The following TTN variants were observed in gnomAD, a reference collection of about 807,000 sequenced individuals.
TTN encodes the protein connectin.
Under a neutral mutation model 3,223.0 loss-of-function variants are expected in TTN, and 1,525 were observed. The observed-to-expected ratio is 0.47, with a 90% CI of 0.45 to 0.49. TTN has a LOEUF of 0.49. Among genes scored for constraint, TTN ranks in the 20% least tolerant of loss-of-function variants. The pLI, the probability that TTN is intolerant of heterozygous loss-of-function variation, is 0.00. For synonymous variants in TTN, 14,094 were observed against 15,161.0 expected (o/e 0.93, Z 5.17); for missense variants, 40,786 against 43,424.0 (o/e 0.94, Z 5.40).
Position 178,749,545 on chromosome 2 carries a change from A to G in TTN, c.11311+3579T>C. On this transcript the variant is annotated intron_variant, in intron 47 of 362. Coordinates refer to ENST00000589042, the MANE Select transcript of TTN (RefSeq NM_001267550.2). ...AGGGACCAGCTGGATAATCATAAAA[A>G]TGTGCCCTTACAGATTCTCCCTGGT... The G allele has an allele frequency of 6.2e-7, 1 of 1,612,956 alleles. No homozygotes were observed. The highest frequency in any genetic ancestry group is 8.5e-7 in the Non-Finnish European group (1 of 1,179,392).
At chr2:178,637,493 G>T in intron 223 of TTN, 74 bp from the exon 224 acceptor site, 1 of 860,236 alleles carries the variant, frequency 1.2e-6, no homozygotes, top group Non-Finnish European at 1.6e-6. Flanking sequence ...ACCATGGAGG[G>T]TGAGTCATGC....
rs762501686 is a variant in TTN, at chr2:178,632,975, C to T, written c.43156G>A (p.Gly14386Arg). 2 of 1,613,144 alleles carry T rather than the reference C, an allele frequency of 1.2e-6. No individual in the cohort carries two copies. The highest frequency in any genetic ancestry group is 1.3e-5 in the African/African-American group (1 of 74,896). Reference sequence around the variant, plus strand: ...TTAGCAGCCTGGAAGGAAACCTCTCCTGTCATACCCAGCTGACAGTTATGA... The same window carrying T: ...TTAGCAGCCTGGAAGGAAACCTCTCTTGTCATACCCAGCTGACAGTTATGA... ...ILHNCQLGMT[G>R]EVSFQAANAK... Residue 14386 changes from glycine (G) to arginine (R), a missense_variant, in exon 234 of 363, where the codon GGA becomes AGA. By Grantham distance (125) the Gly-to-Arg change is moderately radical. Coordinates refer to ENST00000589042, the MANE Select transcript of TTN (RefSeq NM_001267550.2).
chr2:178,534,348 T>C lies in TTN; in HGVS notation c.102267A>G (p.Lys34089=), dbSNP rs766131443. The stretch of plus-strand genomic sequence containing the variant: ...TCAGGGTGTGGTAATAACGCCGGTG[T>C]TTTAATGTTCTGATAACTTTAGTAC... ...RVSTKVIRTL[K]HRRYYHTLIK... Residue 34089 remains lysine (K), a synonymous_variant, in exon 358 of 363, where the codon AAA becomes AAG. Transcript: ENST00000589042. The C allele has an allele frequency of 6.2e-7, 1 of 1,612,256 alleles. No homozygotes were observed. Among genetic ancestry groups the C allele is most frequent in the Non-Finnish European group, 8.5e-7 (1 of 1,179,808 alleles).
rs2154318994 is a variant in TTN, at chr2:178,741,644, A to G, written c.11589T>C (p.Ser3863=). Residue 3863 remains serine (S), a synonymous_variant, in exon 48 of 363, where the codon TCT becomes TCC. Transcript: ENST00000589042. The stretch of plus-strand genomic sequence containing the variant: ...CGTCAAAAACAAATTTGTAGTCAGC[A>G]GAAGGGGTTAATAGCACTCCATTAA... The part of the protein sequence containing the change: ...WFFNGVLLTP[S]ADYKFVFDGD... The G allele has an allele frequency of 6.2e-7, 1 of 1,613,892 alleles. No individual in the cohort carries two copies. Among genetic ancestry groups the G allele is most frequent in the Non-Finnish European group, 8.5e-7 (1 of 1,179,794 alleles).
In TTN at chr2:178,538,592, A is replaced by C; in HGVS notation, c.99237T>G (p.Thr33079=). The C allele has an allele frequency of 6.2e-7, 1 of 1,613,694 alleles. No homozygotes were observed. Among genetic ancestry groups the C allele is most frequent in the Non-Finnish European group, 8.5e-7 (1 of 1,179,696 alleles). Residue 33079 remains threonine (T), a synonymous_variant, in exon 354 of 363, where the codon ACT becomes ACG. Coordinates refer to ENST00000589042, the MANE Select transcript of TTN (RefSeq NM_001267550.2). ...CAGTTCTGCGAGGTCTGCTCAGCCC[A>C]GTCTCATTCTCAGCAAAAACCCTGA... ...YEFRVFAENE[T]GLSRPRRTAM... is the part of the protein sequence containing the mutation.
chr2:178,751,696 T>C, intron 47 of TTN: 2 of 1,613,354 alleles, frequency 1.2e-6, no homozygotes, highest in Non-Finnish European at 1.7e-6. Flanking sequence ...CTTGGACCCT[T>C]TTAATCTCTA....
Position 178,548,926 on chromosome 2 carries a change from A to G in TTN, c.92700T>C (p.Asn30900=), listed in dbSNP as rs943855215. Residue 30900 remains asparagine (N), a synonymous_variant, in exon 339 of 363, where the codon AAT becomes AAC. Transcript: ENST00000589042. This position sits in a 1 kb window ranked among gnomAD's most constrained non-coding sequence, Gnocchi z 4.3. ...EEYKFRVSAI[N]GAGKGDSCEV... is the part of the protein sequence containing the mutation. ...CACAGCTGTCGCCTTTTCCAGCACC[A>G]TTGATAGCACTAACTCGGAATTTGT... is the stretch of plus-strand genomic sequence containing the variant. 2.5e-6 allele frequency: 4 copies of G among 1,613,806 alleles called. No homozygotes were observed. Among genetic ancestry groups the G allele is most frequent in the African/African-American group, 2.7e-5 (2 of 74,928 alleles).
Position 178,607,680 on chromosome 2 carries a change from G to T in TTN, c.53008C>A (p.Pro17670Thr), listed in dbSNP as rs2055227112. ...PVTVAEPQEPPAVELDVSVKG... is the reference protein window; with the variant it reads ...PVTVAEPQEPTAVELDVSVKG... ...ACAGAAACATCCAGTTCCACAGCTG[G>T]AGGCTCTGTTGAAAGAGAACAGTCA... Residue 17670 changes from proline to threonine, a missense_variant, in exon 277 of 363, where the codon CCA becomes ACA. Pro to Thr is a conservative substitution (Grantham distance 38, BLOSUM62 -1). Transcript: ENST00000589042. The T allele has an allele frequency of 1.9e-6, 3 of 1,612,746 alleles. No individual in the cohort carries two copies. Among genetic ancestry groups the T allele is most frequent in the Non-Finnish European group, 2.5e-6 (3 of 1,179,328 alleles).
At chr2:178,584,087 A>G (rs2048373672) in intron 311 of TTN, among the ~76,000 whole-genome samples, 181 bp from the exon 312 acceptor site, 1 of 152,034 alleles carries the variant, frequency 6.6e-6, no homozygotes, top group South Asian at 2.1e-4. Flanking sequence ...AAAGGAAATT[A>G]TATGTCCTTT....
intron 223 of TTN, among the ~76,000 whole-genome samples, chr2:178,638,106 T>C (rs970661199): frequency 6.6e-6 from 1 of 152,002 alleles, no homozygotes; most frequent in Non-Finnish European, 1.5e-5. Flanking sequence ...ACAAGAGCAG[T>C]TCATCACCTT....
chr2:178,589,467 T>A lies in TTN; in HGVS notation c.62258A>T (p.Asp20753Val). 6.2e-7 allele frequency: 1 copy of A among 1,613,422 alleles called. No homozygotes were observed. Among genetic ancestry groups the A allele is most frequent in the South Asian group, 1.1e-5 (1 of 91,070 alleles). The change falls in exon 304 of 363, where the codon GAC (aspartate) becomes GTC (valine). Residue 20753 changes from aspartate to valine, a missense_variant. By Grantham distance (152) the Asp-to-Val change is radical. Coordinates refer to ENST00000589042, the MANE Select transcript of TTN (RefSeq NM_001267550.2). ...AACAACTTCCTCTGTCTTCACCCAG[T>A]CACTTTCCCCACCTTCATTCTTTGT... is the stretch of plus-strand genomic sequence containing the variant. ...VQTKNEGGES[D>V]WVKTEEVVVK...
At chr2:178,744,457 A>G (rs920051955) in intron 47 of TTN, 14 of 880,468 alleles carry the variant, frequency 1.6e-5, no homozygotes, top group Non-Finnish European at 1.8e-5. Context: ...ACATTAGTAT[A>G]TAGGTAAGAT....
At position 178,657,568 on chromosome 2, in the gene TTN, G is replaced by C; in HGVS notation, c.37968C>G (p.Pro12656=). 6.4e-7 allele frequency: 1 copy of C among 1,574,688 alleles called. No homozygotes were observed. Among genetic ancestry groups the C allele is most frequent in the Non-Finnish European group, 8.6e-7 (1 of 1,166,020 alleles). ...CTTTCTTTTCAAGGACAACTTCTTT[G>C]GGAGCCTCTGGCACTTAAAAGATAT... The part of the protein sequence containing the change: ...EVPPVTVPEA[P]KEVVLEKKVP... Residue 12656 remains proline (P), a synonymous_variant, in exon 189 of 363, where the codon CCC becomes CCG. Transcript: ENST00000589042.
Position 178,591,224 on chromosome 2 carries a change from A to G in TTN, c.60501T>C (p.Thr20167=), listed in dbSNP as rs1459026538. The G allele has an allele frequency of 2.5e-6, 4 of 1,613,466 alleles. No individual in the cohort carries two copies. Among genetic ancestry groups the G allele is most frequent in the Non-Finnish European group, 3.4e-6 (4 of 1,179,576 alleles). The change falls in exon 304 of 363, where the codon ACT becomes ACC. Residue 20167 remains threonine (T), a synonymous_variant. Coordinates refer to ENST00000589042, the MANE Select transcript of TTN (RefSeq NM_001267550.2). ...AGSKTVAVHL[T]VLDVPGPPTG... is the part of the protein sequence containing the mutation. ...TTGGTGGCCCAGGAACATCAAGAAC[A>G]GTAAGATGTACGGCTACTGTTTTGC...
chr2:178,548,821 A>G lies in TTN; in HGVS notation c.92805T>C (p.His30935=), dbSNP rs771151477. ...GAATACTGGCCCCAGCTCTAACAAC[A>G]TGAGTCTGTTTGAAGTTTGCATCTA... ...LDIDANFKQT[H]VVRAGASIRL... is the part of the protein sequence containing the mutation. Residue 30935 remains histidine (H), a synonymous_variant, in exon 339 of 363, where the codon CAT becomes CAC. Transcript: ENST00000589042. This position sits in a 1 kb window ranked among gnomAD's most constrained non-coding sequence, Gnocchi z 4.3. The G allele has an allele frequency of 6.2e-7, 1 of 1,612,932 alleles. No homozygotes were observed. The highest frequency in any genetic ancestry group is 8.5e-7 in the Non-Finnish European group (1 of 1,179,808).
In TTN at chr2:178,569,245, C is replaced by T; in HGVS notation, c.76887G>A (p.Gly25629=). ...SITWEPPLLD[G]GSKIKNYIVE... ...CAATGTAATTTTTTATTTTGGATCC[C>T]CCATCCAACAAAGGAGGTTCCCATG... is the stretch of plus-strand genomic sequence containing the variant. The change falls in exon 326 of 363, where the codon GGG becomes GGA. Residue 25629 remains glycine (G), a synonymous_variant. Transcript: ENST00000589042. The T allele has an allele frequency of 6.2e-7, 1 of 1,603,514 alleles. No homozygotes were observed. The highest frequency in any genetic ancestry group is 8.5e-7 in the Non-Finnish European group (1 of 1,174,298).
At chr2:178,694,781 A>T (rs533831397) in intron 116 of TTN, 48 bp downstream of exon 116, 1 of 1,510,296 alleles carries the variant, frequency 6.6e-7, no homozygotes, top group East Asian at 2.5e-5. Context: ...ATAGATCAGT[A>T]AACATATTAC....
Position 178,773,621 on chromosome 2 carries a change from A to C in TTN, c.7435T>G (p.Tyr2479Asp), listed in dbSNP as rs775065622. The part of the protein sequence containing the change: ...SVPDVTSVKW[Y>D]LNDEQIKPDD... ...GGCTTGATTTGTTCATCATTTAAGT[A>C]CCACTTAACAGAAGTCACATCAGGG... The change falls in exon 32 of 363, where the codon TAC becomes GAC. Residue 2479 changes from tyrosine to aspartate, a missense_variant. By Grantham distance (160) the Tyr-to-Asp change is radical. Transcript: ENST00000589042. 3.7e-6 allele frequency: 6 copies of C among 1,613,890 alleles called. No individual in the cohort carries two copies. The African/African-American group carries it at 8.0e-5, about 22-fold the overall frequency.
rs757940030 is a variant in TTN, at chr2:178,532,522, C to T, written c.104093G>A (p.Arg34698Gln). ...AGAAAGCTCAAAGTGTGGAGGGCTT[C>T]GACTTGGGGGTGAAGCTGAAAAACC... The part of the protein sequence containing the change: ...ELGFSASPPS[R>Q]SPPHFELSSL... The change falls in exon 358 of 363, where the codon CGA (arginine) becomes CAA (glutamine). Residue 34698 changes from arginine to glutamine, a missense_variant. Transcript: ENST00000589042. 7.4e-6 allele frequency: 12 copies of T among 1,613,812 alleles called. No homozygotes were observed. In the South Asian group the frequency reaches 7.7e-5, roughly 10 times the overall value.
Sources: gnomAD v4.1 joint callset for allele counts (sites outside exome capture counted in the v4.1 genomes callset) on GRCh38, gnomAD v4.1.1 for gene constraint, Gnocchi (gnomAD v3.1) non-coding constraint, MANE v1.5 for transcripts, NCBI Gene and HGNC (gene_info 2026-07-23, HGNC 2026-07-21) for gene names.